CCDC69: variants seen among roughly 807,000 people sequenced by gnomAD.
CCDC69 encodes coiled-coil domain containing 69, also known as coiled-coil domain-containing protein 69.
Under a neutral mutation model 40.3 loss-of-function variants are expected in CCDC69, and 38 were observed. That is an observed-to-expected ratio of 0.94 (90% CI 0.73 to 1.24). CCDC69 has a LOEUF of 1.24. CCDC69 is among the 50% of genes most tolerant of loss of function. The pLI is 0.00. For synonymous variants in CCDC69, 141 were observed against 138.9 expected (o/e 1.02, Z -0.11); for missense variants, 389 against 357.9 (o/e 1.09, Z -0.70).
intron 5 of CCDC69, among the ~76,000 whole-genome samples, chr5:151,186,754 T>C (rs1022525439): frequency 6.6e-6 from 1 of 152,144 alleles, no homozygotes; most frequent in African/African-American, 2.4e-5. Context: ...ACTTGAACCG[T>C]GACCACTACC....
chr5:151,223,965 G>T lies in CCDC69; in HGVS notation c.6C>A (p.Gly2=). The change falls in exon 1 of 9, where the codon GGC becomes GGA. Residue 2 remains glycine, a synonymous_variant. Coordinates refer to ENST00000355417, the MANE Select transcript of CCDC69 (RefSeq NM_015621.3). Reference sequence around the variant, plus strand: ...AGCTGCTCAGCCTGCTGTGTCTGCAGCCCATCCTCCTCCGGGGGCTCCCGG... The same window carrying T: ...AGCTGCTCAGCCTGCTGTGTCTGCATCCCATCCTCCTCCGGGGGCTCCCGG... The part of the protein sequence containing the change: M[G]CRHSRLSSCK... The T allele has an allele frequency of 6.4e-7, 1 of 1,565,282 alleles. No homozygotes were observed. Among genetic ancestry groups the T allele is most frequent in the South Asian group, 1.2e-5 (1 of 86,356 alleles).
rs1752742020 is a variant in CCDC69 at position 151,199,038 on chromosome 5, T to G, written c.278A>C (p.Gln93Pro). 1 of 1,614,168 alleles carries G rather than the reference T, an allele frequency of 6.2e-7. No homozygotes were observed. The highest frequency in any genetic ancestry group is 2.2e-5 in the East Asian group (1 of 44,878). The change falls in exon 4 of 9, where the codon CAG becomes CCG. Residue 93 changes from glutamine to proline, a missense_variant. Gln to Pro is a moderately conservative substitution (Grantham distance 76). Coordinates refer to ENST00000355417, the MANE Select transcript of CCDC69 (RefSeq NM_015621.3). ...ATTCTTTCCTTCCAGGACCCTTTGC[T>G]GCTCATCCAGTCTGTCTCGAAGCTC... is the stretch of plus-strand genomic sequence containing the variant. ...ELELRDRLDEQQRVLEGKNEE... is the reference protein window; with the variant it reads ...ELELRDRLDEPQRVLEGKNEE...
chr5:151,218,398 C>T (rs917621831), intron 1 of CCDC69, among the ~76,000 whole-genome samples: 7 of 152,198 alleles, frequency 4.6e-5, no homozygotes, highest in Admixed American at 1.3e-4. Flanking sequence ...TGCAGAGGAC[C>T]GAGTGCCAGC....
chr5:151,185,913 A>G, intron 6 of CCDC69, 110 bp downstream of exon 6: 1 of 754,340 alleles, frequency 1.3e-6, no homozygotes, highest in Non-Finnish European at 2.4e-6. Context: ...TGTAGGTAAG[A>G]GTGCCAGGTC....
chr5:151,198,291 GATCTATCTATCTATCTATCTATCTATCT>G (rs56093424), intron 4 of CCDC69, among the ~76,000 whole-genome samples: 6 of 141,718 alleles, frequency 4.2e-5, no homozygotes, highest in Admixed American at 1.4e-4. Flanking sequence ...GAATGAGATT[GATCTATCTATCTATCTATCTATCTATCT>G]ATCTATCTAT....
chr5:151,196,504 A>C (rs1752702584), intron 4 of CCDC69, among the ~76,000 whole-genome samples: 1 of 152,130 alleles, frequency 6.6e-6, no homozygotes. Context: ...AGGCCATGCG[A>C]ATACTCATGA....
chr5:151,205,272 C>T (rs1181254062), intron 2 of CCDC69, 128 bp downstream of exon 2: 12 of 789,660 alleles, frequency 1.5e-5, no homozygotes, highest in African/African-American at 1.0e-4. Flanking sequence ...ATTTTAGACA[C>T]GATACTCCTA....
chr5:151,201,553 A>G (rs568414515), intron 3 of CCDC69, 29 bp downstream of exon 3: 2 of 1,485,060 alleles, frequency 1.3e-6, no homozygotes, highest in Non-Finnish European at 1.9e-6. Flanking sequence ...AGCAGGAGAA[A>G]GACAGGGGGT....
Position 151,223,912 on chromosome 5 carries a change from G to A in CCDC69, c.48+11C>T, listed in dbSNP as rs201502568. 6 of 1,588,368 alleles carry A rather than the reference G, an allele frequency of 3.8e-6. No homozygotes were observed. In the East Asian group the frequency reaches 7.5e-5, roughly 20 times the overall value. On this transcript the variant is annotated intron_variant, in intron 1 of 8. Coordinates refer to ENST00000355417, the MANE Select transcript of CCDC69 (RefSeq NM_015621.3). ...CCTCTGAAAGCAAACTTCTCCGCCG[G>A]CGCCCTTTACCTTTTTCGGGGGTTT... is the stretch of plus-strand genomic sequence containing the variant.
chr5:151,224,072 T>A lies in CCDC69; in HGVS notation c.-102A>T. The A allele has an allele frequency of 3.8e-6, 4 of 1,051,872 alleles. No individual in the cohort carries two copies. Among genetic ancestry groups the A allele is most frequent in the Non-Finnish European group, 2.6e-6 (2 of 755,388 alleles). The allele number at this position is 1,051,872 out of a possible 1,614,324, so 65.2% of individuals were successfully genotyped here. A position where few individuals can be genotyped will look rare whatever the true frequency, so the allele number is the denominator to read the frequency against. On this transcript the variant is annotated 5_prime_UTR_variant, in exon 1 of 9. Transcript: ENST00000355417. ...CCGCTCCGCGCCCGCCGGCTGGGGC[T>A]GCCGGCGAGACCCTGAAACTGAACC... is the stretch of plus-strand genomic sequence containing the variant.
Position 151,204,740 on chromosome 5 carries a change from T to C in CCDC69, c.124+660A>G, listed in dbSNP as rs532054713. Among the ~76,000 whole-genome samples the C allele has an allele frequency of 2.0e-5, 3 of 152,360 alleles. No individual in the cohort carries two copies. In the South Asian group the frequency reaches 6.2e-4, roughly 32 times the overall value. On this transcript the variant is annotated intron_variant, in intron 2 of 8. Coordinates refer to ENST00000355417, the MANE Select transcript of CCDC69 (RefSeq NM_015621.3). Reference sequence around the variant, plus strand: ...CAAAGAAAAGAAAACAAATATTATTTCATTGTATTTAGCTCTACTCATTTG... The same window carrying C: ...CAAAGAAAAGAAAACAAATATTATTCCATTGTATTTAGCTCTACTCATTTG...
At chr5:151,205,547 T>A (rs1752842532) in intron 1 of CCDC69, 72 bp from the exon 2 acceptor site, 1 of 1,284,626 alleles carries the variant, frequency 7.8e-7, no homozygotes, top group Non-Finnish European at 1.1e-6. Context: ...GCTGCTATAG[T>A]GGGACTCTTC....
Position 151,202,190 on chromosome 5 carries a change from T to TAA in CCDC69, c.125-504_125-503dup, listed in dbSNP as rs5872193. Reference sequence around the variant, plus strand: ...AGGAAACATAGTGAGACCCTATCTCTAAAAAAAAAAAAAAAAAAAAAAAAG... The same window carrying TAA: ...AGGAAACATAGTGAGACCCTATCTCTAAAAAAAAAAAAAAAAAAAAAAAAAAG... On this transcript the variant is annotated intron_variant, in intron 2 of 8. Transcript: ENST00000355417. Among the ~76,000 whole-genome samples the TAA allele has an allele frequency of 9.0e-5, 10 of 111,554 alleles. No homozygotes were observed. In the South Asian group the frequency reaches 2.4e-3, roughly 26 times the overall value. The allele number at this position is 111,554 out of a possible 152,430, so 73.2% of individuals were successfully genotyped here. A position where few individuals can be genotyped will look rare whatever the true frequency, so the allele number is the denominator to read the frequency against.
intron 4 of CCDC69, among the ~76,000 whole-genome samples, chr5:151,194,486 C>G (rs1752666169): frequency 6.6e-6 from 1 of 152,150 alleles, no homozygotes; most frequent in African/African-American, 2.4e-5. Context: ...GAGAACAGAT[C>G]AGTAATTGCC....
intron 4 of CCDC69, among the ~76,000 whole-genome samples, chr5:151,193,307 A>C (rs944922958): frequency 6.7e-6 from 1 of 148,374 alleles, no homozygotes; most frequent in African/African-American, 2.5e-5. Flanking sequence ...TGAGTTTGAG[A>C]CCAGGCTGGG....
intron 4 of CCDC69, among the ~76,000 whole-genome samples, chr5:151,191,664 A>G (rs543139440): frequency 2.0e-5 from 3 of 152,366 alleles, no homozygotes; most frequent in Non-Finnish European, 4.4e-5. Context: ...TTTGAACTCA[A>G]CAAAATGAAA....
intron 5 of CCDC69, among the ~76,000 whole-genome samples, chr5:151,186,978 T>C (rs1454606068): frequency 2.0e-5 from 3 of 152,072 alleles, no homozygotes; most frequent in African/African-American, 7.2e-5. Flanking sequence ...CCTACCCTTC[T>C]TTACCAAAGA....
chr5:151,219,561 A>C (rs552269109), intron 1 of CCDC69, among the ~76,000 whole-genome samples: 2 of 152,312 alleles, frequency 1.3e-5, no homozygotes, highest in Non-Finnish European at 2.9e-5. Context: ...ACTACTTAAC[A>C]TGGGAAAATG....
rs891823419 is a variant in CCDC69, at chr5:151,185,578, G to C, written c.496-37C>G. ...CAGAGTGACCTCATTAGGCCAGTAG[G>C]CTACCTCCCTCCTCCCCATTCTGCC... is the stretch of plus-strand genomic sequence containing the variant. On this transcript the variant is annotated intron_variant, in intron 6 of 8. Coordinates refer to ENST00000355417, the MANE Select transcript of CCDC69 (RefSeq NM_015621.3). The C allele has an allele frequency of 6.9e-6, 11 of 1,604,448 alleles. No homozygotes were observed. The African/African-American group carries it at 1.5e-4, about 22-fold the overall frequency.
Sources: gnomAD v4.1 joint callset for allele counts (sites outside exome capture counted in the v4.1 genomes callset) on GRCh38, gnomAD v4.1.1 for gene constraint, MANE v1.5 for transcripts, NCBI Gene and HGNC (gene_info 2026-07-23, HGNC 2026-07-21) for gene names.